The following ULK4 variants were observed in gnomAD, a reference collection of about 807,000 sequenced individuals.
ULK4 encodes the protein unc-51 like kinase 4, also known as inactive serine/threonine-protein kinase ULK4.
ULK4 carries 133 observed loss-of-function variants against 160.6 expected under a neutral mutation model. The observed-to-expected ratio is 0.83, with a 90% CI of 0.72 to 0.96. The LOEUF is 0.96. ULK4 is among the 40% of genes least tolerant of loss of function. ULK4 has a pLI of 0.00. For synonymous variants in ULK4, 534 were observed against 539.8 expected (o/e 0.99, Z 0.15); for missense variants, 1,580 against 1,499.5 (o/e 1.05, Z -0.89).
Position 41,775,057 on chromosome 3 carries a change from T to A in ULK4, c.2193+14604A>T, listed in dbSNP as rs188046999. On this transcript the variant is annotated intron_variant, in intron 21 of 36. Transcript: ENST00000301831. ...TGGACACAGGAAGGGGAACATCACA[T>A]ACCAGGGACGTTGTGAGGTGGAGGG... Among the ~76,000 whole-genome samples, 1,097 of 118,836 alleles carry A rather than the reference T, an allele frequency of 9.2e-3. 11 individuals carry two copies. The highest frequency in any genetic ancestry group is 0.012 in the Non-Finnish European group (754 of 62,260). The allele number at this position is 118,836 out of a possible 152,430, so 78.0% of individuals were successfully genotyped here.
In ULK4 at chr3:41,754,499, C is replaced by T. The variant is rs2038732394; in HGVS notation, c.2194-11G>A. On this transcript the variant is annotated splice_polypyrimidine_tract_variant and intron_variant, in intron 21 of 36. Transcript: ENST00000301831. ...TGTGGAGACAAAACCCTGTAGAAGA[C>T]ATTTAAACAATTTTTTGAGAGAACA... 9 of 1,603,542 alleles carry T rather than the reference C, an allele frequency of 5.6e-6. No individual in the cohort carries two copies. Among genetic ancestry groups the T allele is most frequent in the African/African-American group, 1.3e-5 (1 of 74,190 alleles).
At chr3:41,615,490 G>A (rs2032915799) in intron 31 of ULK4, among the ~76,000 whole-genome samples, 179 bp downstream of exon 31, 2 of 152,228 alleles carry the variant, frequency 1.3e-5, no homozygotes, top group South Asian at 4.1e-4. Context: ...ATTAATTTCA[G>A]AGCTTGACAT....
At chr3:41,621,385 C>G (rs1455654393) in intron 30 of ULK4, among the ~76,000 whole-genome samples, 3 of 152,138 alleles carry the variant, frequency 2.0e-5, no homozygotes, top group Non-Finnish European at 4.4e-5. Flanking sequence ...CTTCAGTAAC[C>G]AAAACAGCAT....
At chr3:41,740,625 T>A (rs1265043794) in intron 22 of ULK4, among the ~76,000 whole-genome samples, 1 of 151,942 alleles carries the variant, frequency 6.6e-6, no homozygotes, top group Admixed American at 6.6e-5. Flanking sequence ...TGCTGAAATG[T>A]AAAATGTAAT....
intron 35 of ULK4, among the ~76,000 whole-genome samples, chr3:41,316,033 C>G (rs2080136813): frequency 6.6e-6 from 1 of 152,106 alleles, no homozygotes. Context: ...GAATTCCAGT[C>G]ACAGGTATGA....
Position 41,398,285 on chromosome 3 carries a change from CTA to C in ULK4, c.3493-23_3493-22del, listed in dbSNP as rs1449042923. 4 of 1,605,166 alleles carry C rather than the reference CTA, an allele frequency of 2.5e-6. 1 individual carries two copies. Among genetic ancestry groups the C allele is most frequent in the South Asian group, 1.1e-5 (1 of 89,266 alleles). On this transcript the variant is annotated intron_variant, in intron 34 of 36. Coordinates refer to ENST00000301831, the MANE Select transcript of ULK4 (RefSeq NM_017886.4). ...GGAAGCTGAAAATTAACAAATAAGA[CTA>C]TTTAAATTTCCTTGAAGACGGTATT...
intron 17 of ULK4, among the ~76,000 whole-genome samples, chr3:41,862,893 C>A (rs1376066568): frequency 2.6e-5 from 4 of 151,468 alleles, no homozygotes; most frequent in Non-Finnish European, 5.9e-5. Context: ...ACCGCTATGA[C>A]AGCACTGGGT....
At chr3:41,373,333 C>T (rs1002372083) in intron 35 of ULK4, among the ~76,000 whole-genome samples, 1 of 152,160 alleles carries the variant, frequency 6.6e-6, no homozygotes, top group Non-Finnish European at 1.5e-5. Context: ...ACAGAATATA[C>T]ACTCTTCTCA....
chr3:41,679,027 G>A (rs1397464635), intron 29 of ULK4, among the ~76,000 whole-genome samples: 2 of 152,160 alleles, frequency 1.3e-5, no homozygotes, highest in Non-Finnish European at 2.9e-5. Context: ...GAGGTTAAAT[G>A]AATGTGTTAC....
At chr3:41,807,183 A>G (rs2040669023) in intron 19 of ULK4, among the ~76,000 whole-genome samples, 1 of 152,156 alleles carries the variant, frequency 6.6e-6, no homozygotes, top group African/African-American at 2.4e-5. Context: ...CATTTTATAT[A>G]TATGATACCT....
At chr3:41,866,071 C>G (rs1696855677) in intron 17 of ULK4, among the ~76,000 whole-genome samples, 1 of 136,222 alleles carries the variant, frequency 7.3e-6, no homozygotes, top group Non-Finnish European at 1.5e-5. Flanking sequence ...TTTACACAGA[C>G]AAGAACAGAC....
chr3:41,763,628 A>C (rs542973381), intron 21 of ULK4, among the ~76,000 whole-genome samples: 1 of 152,282 alleles, frequency 6.6e-6, no homozygotes, highest in African/African-American at 2.4e-5. Context: ...GGTTGTTTAG[A>C]GTTTGGGTCT....
intron 4 of ULK4, among the ~76,000 whole-genome samples, chr3:41,933,618 G>A (rs1019911681): frequency 4.0e-5 from 6 of 151,826 alleles, no homozygotes; most frequent in African/African-American, 7.3e-5. Flanking sequence ...AACAACTCCC[G>A]GATAGATATC....
At chr3:41,524,637 A>G (rs988282299) in intron 32 of ULK4, among the ~76,000 whole-genome samples, 3 of 152,090 alleles carry the variant, frequency 2.0e-5, no homozygotes, top group Non-Finnish European at 2.9e-5. Flanking sequence ...GCAGGAACAC[A>G]CTTAAGAAAG....
chr3:41,559,073 G>C (rs535023481), intron 32 of ULK4, among the ~76,000 whole-genome samples: 5 of 141,368 alleles, frequency 3.5e-5, no homozygotes, highest in Non-Finnish European at 7.5e-5. Context: ...TCCCCTTCCT[G>C]TGTCCATATG....
chr3:41,427,042 T>G (rs1011772116), intron 34 of ULK4, among the ~76,000 whole-genome samples: 13 of 149,366 alleles, frequency 8.7e-5, no homozygotes, highest in Admixed American at 2.0e-4. Flanking sequence ...GAAAAGAGAG[T>G]TGAATCAAAT....
intron 31 of ULK4, among the ~76,000 whole-genome samples, chr3:41,578,136 A>C (rs1303094693): frequency 6.6e-6 from 1 of 152,216 alleles, no homozygotes; most frequent in Non-Finnish European, 1.5e-5. Flanking sequence ...GCTATCTCTA[A>C]AGAGGTGATA....
At chr3:41,941,874 G>T (rs1158412284) in intron 2 of ULK4, among the ~76,000 whole-genome samples, 2 of 151,826 alleles carry the variant, frequency 1.3e-5, no homozygotes, top group African/African-American at 4.8e-5. Flanking sequence ...GGCACAGGAA[G>T]GGGGAGGTCC....
Position 41,455,511 on chromosome 3 carries a change from G to C in ULK4, c.3478C>G (p.Leu1160Val). 1 of 1,613,994 alleles carries C rather than the reference G, an allele frequency of 6.2e-7. No individual in the cohort carries two copies. The change falls in exon 34 of 37, where the codon CTG becomes GTG. Residue 1160 changes from leucine (L) to valine (V), a missense_variant. Leu to Val is a conservative substitution (Grantham distance 32). Coordinates refer to ENST00000301831, the MANE Select transcript of ULK4 (RefSeq NM_017886.4). Reference sequence around the variant, plus strand: ...TGAGCTCTTACCAGTGGAATGAGCAGGCTAATCAGGTCTGTCAGAGGTCTG... The same window carrying C: ...TGAGCTCTTACCAGTGGAATGAGCACGCTAATCAGGTCTGTCAGAGGTCTG... The part of the protein sequence containing the change: ...LNRPLTDLIS[L>V]LIPLLPNEDP...
Sources: gnomAD v4.1 joint callset for allele counts (sites outside exome capture counted in the v4.1 genomes callset) on GRCh38, gnomAD v4.1.1 for gene constraint, MANE v1.5 for transcripts, NCBI Gene and HGNC (gene_info 2026-07-23, HGNC 2026-07-21) for gene names.